The following CST5 variants were observed in gnomAD, a reference collection of about 807,000 sequenced individuals.
CST5 encodes cystatin-D.
A neutral mutation model predicts 11.5 loss-of-function variants in CST5; 13 were observed. The ratio of observed to expected loss-of-function variants is 1.13; its 90% confidence interval spans 0.73 to 1.79. CST5 has a LOEUF of 1.79. Among genes scored for constraint, CST5 ranks in the 40% most tolerant of loss-of-function variants. The pLI is 0.00. For missense variants in CST5, 219 were observed against 174.5 expected, an observed-to-expected ratio of 1.25 and a Z score of -1.44; for synonymous variants, 81 against 67.6, an observed-to-expected ratio of 1.20 and a Z score of -0.97.
intron 2 of CST5, among the ~76,000 whole-genome samples, chr20:23,876,743 C>G (rs1600456331): frequency 6.6e-6 from 1 of 152,128 alleles, no homozygotes; most frequent in Admixed American, 6.5e-5. Context: ...GAGCAGAGAC[C>G]TCGAAAGAAA....
intron 1 of CST5, among the ~76,000 whole-genome samples, chr20:23,878,415 G>T (rs1168153044): frequency 6.6e-6 from 1 of 152,178 alleles, no homozygotes; most frequent in Non-Finnish European, 1.5e-5. Context: ...AGAAGCATGG[G>T]ATGAGGGACC....
Position 23,877,552 on chromosome 20 carries a change from G to T in CST5, c.298C>A (p.Pro100Thr). 1 of 1,614,130 alleles carries T rather than the reference G, an allele frequency of 6.2e-7. No homozygotes were observed. Reference protein sequence around the residue: ...FGRTTCTKSQPNLDNCPFNDQ... With the variant: ...FGRTTCTKSQTNLDNCPFNDQ... ...TTGAAGGGACAGTTGTCCAAGTTGG[G>T]CTGGGACTTGGTGCATGTGGTTCGA... Residue 100 changes from proline (P) to threonine (T), a missense_variant, in exon 2 of 3, where the codon CCC becomes ACC. Physicochemically the swap from Pro to Thr is conservative, Grantham distance 38. Coordinates refer to ENST00000304710, the MANE Select transcript of CST5 (RefSeq NM_001900.5).
At chr20:23,878,290 C>T (rs1986006313) in intron 1 of CST5, among the ~76,000 whole-genome samples, 1 of 152,152 alleles carries the variant, frequency 6.6e-6, no homozygotes, top group African/African-American at 2.4e-5. Context: ...ATTTTCAAGG[C>T]AATATTTCTA....
rs527503200 is a variant in CST5 at position 23,876,082 on chromosome 20, C to A, written c.*106G>T. The A allele has an allele frequency of 1.3e-6, 1 of 799,166 alleles. No individual in the cohort carries two copies. Among genetic ancestry groups the A allele is most frequent in the Non-Finnish European group, 2.1e-6 (1 of 479,362 alleles). The allele number at this position is 799,166 out of a possible 1,614,324, so 49.5% of individuals were successfully genotyped here. A position where few individuals can be genotyped will look rare whatever the true frequency, so the allele number is the denominator to read the frequency against. On this transcript the variant is annotated 3_prime_UTR_variant, in exon 3 of 3. Transcript: ENST00000304710. ...TTCTGTGTCTGTCTCCTGGTGCAGG[C>A]GCATGAGGAGACCTCCCCCAGGGTG...
rs1034781419 is a variant in CST5, at chr20:23,878,643, C to T, written c.231+803G>A. Among the ~76,000 whole-genome samples, 7 of 151,452 alleles carry T rather than the reference C, an allele frequency of 4.6e-5. No individual in the cohort carries two copies. In the Admixed American group the frequency reaches 4.6e-4, roughly 10 times the overall value. ...ACCACAGCACCAGGGAATGCCCCTC[C>T]TGTGCAGGGAGAGGGCTGCAGGAGG... On this transcript the variant is annotated intron_variant, in intron 1 of 2. Coordinates refer to ENST00000304710, the MANE Select transcript of CST5 (RefSeq NM_001900.5).
rs139269433 is a variant in CST5 at position 23,879,517 on chromosome 20, C to A, written c.160G>T (p.Glu54Ter). The A allele has an allele frequency of 2.3e-5, 37 of 1,613,922 alleles. No individual in the cohort carries two copies. Among genetic ancestry groups the A allele is most frequent in the South Asian group, 3.3e-5 (3 of 91,082 alleles). The change falls in exon 1 of 3, where the codon GAG becomes TAG. Residue 54 changes from glutamate (E) to a stop codon, truncating the protein, a stop_gained. Coordinates refer to ENST00000304710, the MANE Select transcript of CST5 (RefSeq NM_001900.5). LOFTEE classifies it high-confidence loss of function. ...VQCALDFAIS[E>*]YNKVINKDEY... ...TCCTTATTAATGACCTTGTTGTACT[C>A]GCTGATGGCAAAGTCCAGGGCACAC...
In CST5 at chr20:23,879,525, G is replaced by A. The variant is rs576490237; in HGVS notation, c.152C>T (p.Ala51Val). The A allele has an allele frequency of 4.7e-4, 761 of 1,614,016 alleles. 7 individuals carry two copies. The South Asian group carries it at 7.9e-3, about 17-fold the overall frequency. Residue 51 changes from alanine to valine, a missense_variant, in exon 1 of 3, where the codon GCC becomes GTC. Physicochemically the swap from Ala to Val is moderately conservative, Grantham distance 64 (BLOSUM62 0). Coordinates refer to ENST00000304710, the MANE Select transcript of CST5 (RefSeq NM_001900.5). Reference sequence around the variant, plus strand: ...AATGACCTTGTTGTACTCGCTGATGGCAAAGTCCAGGGCACACTGCACACT... The same window carrying A: ...AATGACCTTGTTGTACTCGCTGATGACAAAGTCCAGGGCACACTGCACACT... ...DKSVQCALDF[A>V]ISEYNKVINK...
chr20:23,876,285 G>T lies in CST5; in HGVS notation c.346-14C>A. 1 of 1,599,208 alleles carries T rather than the reference G, an allele frequency of 6.3e-7. No homozygotes were observed. The highest frequency in any genetic ancestry group is 8.6e-7 in the Non-Finnish European group (1 of 1,166,698). On this transcript the variant is annotated splice_polypyrimidine_tract_variant and intron_variant, in intron 2 of 2. Coordinates refer to ENST00000304710, the MANE Select transcript of CST5 (RefSeq NM_001900.5). ...GCAGAACTCTTCCTGTGAAAAGAAAGAGATGGAGAAAATGACTGTGGGTTA... is the reference window on the plus strand; with the variant it reads ...GCAGAACTCTTCCTGTGAAAAGAAATAGATGGAGAAAATGACTGTGGGTTA...
chr20:23,877,675 G>C, intron 1 of CST5, 57 bp from the exon 2 acceptor site: 1 of 1,386,700 alleles, frequency 7.2e-7, no homozygotes, highest in Non-Finnish European at 1.0e-6. Context: ...TCATGCACAC[G>C]CAGGCACTTC....
intron 1 of CST5, among the ~76,000 whole-genome samples, chr20:23,878,079 C>T (rs527455115): frequency 4.6e-5 from 7 of 152,162 alleles, no homozygotes; most frequent in Non-Finnish European, 7.3e-5. Context: ...GGACACTGGT[C>T]CCATCCTAGG....
chr20:23,877,416 T>A, intron 2 of CST5, 89 bp downstream of exon 2: 1 of 997,994 alleles, frequency 1.0e-6, no homozygotes, highest in East Asian at 2.4e-5. Context: ...TGTGCAGGAG[T>A]ACAGATGCGT....
chr20:23,877,658 G>T, intron 1 of CST5, 40 bp from the exon 2 acceptor site: 1 of 1,513,986 alleles, frequency 6.6e-7, no homozygotes, highest in Non-Finnish European at 9.1e-7. Flanking sequence ...GCAGCATGCT[G>T]TCAGTTTCAT....
At chr20:23,877,769 G>T in intron 1 of CST5, 151 bp from the exon 2 acceptor site, 1 of 651,836 alleles carries the variant, frequency 1.5e-6, no homozygotes. Context: ...TCTCCTGCTG[G>T]CTGGCAGTGG....
At position 23,879,609 on chromosome 20, in the gene CST5, G is replaced by A. The variant is rs146740938; in HGVS notation, c.68C>T (p.Ala23Val). Reference sequence around the variant, plus strand: ...TGCCAAGGTCCTAGATTGGGCCGAGGCACTCCCGGCCACGGCCACCATCAA... The same window carrying A: ...TGCCAAGGTCCTAGATTGGGCCGAGACACTCCCGGCCACGGCCACCATCAA... ...TALMVAVAGSASAQSRTLAGG... is the reference protein window; with the variant it reads ...TALMVAVAGSVSAQSRTLAGG... The change falls in exon 1 of 3, where the codon GCC becomes GTC. Residue 23 changes from alanine to valine, a missense_variant. Ala to Val is a moderately conservative substitution (Grantham distance 64, BLOSUM62 0). Transcript: ENST00000304710. The A allele has an allele frequency of 1.2e-6, 2 of 1,613,990 alleles. No individual in the cohort carries two copies. The highest frequency in any genetic ancestry group is 2.7e-5 in the African/African-American group (2 of 74,914).
At position 23,876,506 on chromosome 20, in the gene CST5, C is replaced by T. The variant is rs143442492; in HGVS notation, c.346-235G>A. On this transcript the variant is annotated intron_variant, in intron 2 of 2. Transcript: ENST00000304710. The stretch of plus-strand genomic sequence containing the variant: ...GACATTGGGCCTTCACCCCAGCCTG[C>T]AGGATTCCTGTCCCAGCGCAGCCCT... Among the ~76,000 whole-genome samples the T allele has an allele frequency of 7.2e-5, 11 of 152,268 alleles. 1 individual carries two copies. In the East Asian group the frequency reaches 2.1e-3, roughly 30 times the overall value.
chr20:23,879,734 G>T lies in CST5; in HGVS notation c.-58C>A. On this transcript the variant is annotated 5_prime_UTR_variant, in exon 1 of 3. Transcript: ENST00000304710. Reference sequence around the variant, plus strand: ...CTCCCAGAGAGCAAAGCAGCAGAAGGCTGAGGCAGGAAGCCCAGGCCAGAA... The same window carrying T: ...CTCCCAGAGAGCAAAGCAGCAGAAGTCTGAGGCAGGAAGCCCAGGCCAGAA... 3.2e-6 allele frequency: 5 copies of T among 1,542,450 alleles called. No homozygotes were observed. The South Asian group carries it at 4.7e-5, about 15-fold the overall frequency.
intron 2 of CST5, among the ~76,000 whole-genome samples, chr20:23,877,191 C>T (rs1985982136): frequency 6.6e-6 from 1 of 151,808 alleles, no homozygotes; most frequent in African/African-American, 2.4e-5. Context: ...CACACATATG[C>T]ATCTTTCTAC....
intron 2 of CST5, among the ~76,000 whole-genome samples, chr20:23,877,087 C>T (rs1423634340): frequency 6.6e-6 from 1 of 152,114 alleles, no homozygotes; most frequent in Non-Finnish European, 1.5e-5. Flanking sequence ...TCACAGCAAC[C>T]CTCACCCAAA....
intron 1 of CST5, among the ~76,000 whole-genome samples, chr20:23,879,055 G>A (rs1007342639): frequency 2.0e-5 from 3 of 152,196 alleles, no homozygotes; most frequent in Non-Finnish European, 4.4e-5. Context: ...GGCTATCCAG[G>A]ACAAGGAGTC....
Sources: gnomAD v4.1 joint callset for allele counts (sites outside exome capture counted in the v4.1 genomes callset) on GRCh38, gnomAD v4.1.1 for gene constraint, MANE v1.5 for transcripts, NCBI Gene and HGNC (gene_info 2026-07-23, HGNC 2026-07-21) for gene names.